Variants in XPO6 observed in about 807,000 individuals in gnomAD.
The protein encoded by XPO6 is exportin-6.
In XPO6, 3 loss-of-function variants were observed where a neutral mutation model predicts 130.0. The observed-to-expected ratio is 0.02, with a 90% CI of 0.01 to 0.06. The LOEUF is 0.06. Ranked by LOEUF, XPO6 falls within the 10% of genes least tolerant of loss-of-function variation. The pLI is 1.00. For synonymous variants in XPO6, 524 were observed against 548.9 expected (o/e 0.95, Z 0.63); for missense variants, 970 against 1,393.0 (o/e 0.70, Z 4.83).
intron 10 of XPO6, among the ~76,000 whole-genome samples, chr16:28,134,379 C>T (rs1466228335): frequency 6.6e-6 from 1 of 152,238 alleles, no homozygotes; most frequent in Non-Finnish European, 1.5e-5. Context: ...CCCCAAGCCT[C>T]CAGAATCAGA....
At chr16:28,187,137 G>C (rs1240325386) in intron 1 of XPO6, among the ~76,000 whole-genome samples, 1 of 152,190 alleles carries the variant, frequency 6.6e-6, no homozygotes, top group Non-Finnish European at 1.5e-5. Context: ...AGTTTACTAG[G>C]AGGATAAGAA....
intron 10 of XPO6, 55 bp from the exon 11 acceptor site, chr16:28,133,988 C>T: frequency 6.4e-7 from 1 of 1,573,368 alleles, no homozygotes; most frequent in Admixed American, 1.7e-5. Context: ...ATCTTCCTTG[C>T]CAACCTCAAG....
At chr16:28,192,287 TATA>T (rs1386513962) in intron 1 of XPO6, among the ~76,000 whole-genome samples, 7 of 146,498 alleles carry the variant, frequency 4.8e-5, no homozygotes, top group Admixed American at 1.4e-4. Context: ...AAAAAAAAGT[TATA>T]ATATTATTTG....
rs1470234668 is a variant in XPO6, at chr16:28,132,593, A to C, written c.1537-190T>G. ...CAGTGCCCCCCAACTAGTTTCTATA[A>C]TTGAAACCGCCAATTAATACACAGA... On this transcript the variant is annotated intron_variant, in intron 11 of 23. Transcript: ENST00000304658. The surrounding 1 kb of genome is among the most constrained non-coding windows in gnomAD (Gnocchi z 4.0). Among the ~76,000 whole-genome samples the C allele has an allele frequency of 6.6e-5, 10 of 150,656 alleles. 1 individual carries two copies. Among genetic ancestry groups the C allele is most frequent in the Admixed American group, 6.6e-4 (10 of 15,114 alleles).
At chr16:28,188,165 C>A (rs1237868620) in intron 1 of XPO6, among the ~76,000 whole-genome samples, 1 of 152,078 alleles carries the variant, frequency 6.6e-6, no homozygotes, top group Non-Finnish European at 1.5e-5. Context: ...AGTCTTAAAA[C>A]CCCCAGGTTC....
intron 1 of XPO6, among the ~76,000 whole-genome samples, chr16:28,185,586 G>A (rs2043680279): frequency 6.6e-6 from 1 of 152,106 alleles, no homozygotes. Flanking sequence ...CTAAAGTCCA[G>A]GTTGGTGTTA....
intron 10 of XPO6, 72 bp downstream of exon 10, chr16:28,135,144 G>C: frequency 2.3e-6 from 3 of 1,284,872 alleles, no homozygotes; most frequent in Non-Finnish European, 3.4e-6. Flanking sequence ...AGGGCTCTGG[G>C]TTCCAGGTCC....
In XPO6 at chr16:28,106,403, A is replaced by G. The variant is rs763004645; in HGVS notation, c.2592T>C (p.Thr864=). ...GVPFTEQIIQ[T]FLNMFTREQL... is the part of the protein sequence containing the mutation. ...CTTACCTGGTAAACATGTTGAGGAA[A>G]GTCTGTATGATTTGCTCAGTGAAAG... is the stretch of plus-strand genomic sequence containing the variant. Residue 864 remains threonine, a synonymous_variant, in exon 19 of 24, where the codon ACT becomes ACC. Transcript: ENST00000304658. This position sits in a 1 kb window ranked among gnomAD's most constrained non-coding sequence, Gnocchi z 4.2. 2 of 1,614,056 alleles carry G rather than the reference A, an allele frequency of 1.2e-6. No individual in the cohort carries two copies. Among genetic ancestry groups the G allele is most frequent in the African/African-American group, 1.3e-5 (1 of 74,926 alleles).
In XPO6 at chr16:28,101,662, G is replaced by T. The variant is rs966119176; in HGVS notation, c.3072C>A (p.Phe1024Leu). The T allele has an allele frequency of 6.2e-7, 1 of 1,610,920 alleles. No individual in the cohort carries two copies. The highest frequency in any genetic ancestry group is 1.3e-5 in the African/African-American group (1 of 74,870). The change falls in exon 23 of 24, where the codon TTC (phenylalanine) becomes TTA (leucine). Residue 1024 changes from phenylalanine to leucine, a missense_variant. Phe to Leu is a conservative substitution (Grantham distance 22, BLOSUM62 0). Around this residue, in one of 4 missense-constraint regions of XPO6, gnomAD observed 936 missense variants for 1,306.8 expected, o/e 0.72. Coordinates refer to ENST00000304658, the MANE Select transcript of XPO6 (RefSeq NM_015171.4). The surrounding 1 kb of genome is among the most constrained non-coding windows in gnomAD (Gnocchi z 5.4). ...HKKIFRTAML[F>L]QFVNVLLQVL... ...CCTGGAGCAGCACGTTCACAAACTG[G>T]AACAGCATGGCAGTCCGGAAGATCT...
intron 9 of XPO6, among the ~76,000 whole-genome samples, chr16:28,140,397 T>C (rs8060954): frequency 0.059 from 8,922 of 151,356 alleles, 656 homozygotes; most frequent in East Asian, 0.17. Flanking sequence ...ATTTGAAGGA[T>C]AGCCGGGCGT....
At position 28,155,446 on chromosome 16, in the gene XPO6, T is replaced by C. The variant is rs549886059; in HGVS notation, c.1097+628A>G. On this transcript the variant is annotated intron_variant, in intron 7 of 23. Coordinates refer to ENST00000304658, the MANE Select transcript of XPO6 (RefSeq NM_015171.4). ...AGAGTACTGTGATGGAGTCGTCTTTTAGAGTGCTTTTAAAAAAAAAAAAAA... is the reference window on the plus strand; with the variant it reads ...AGAGTACTGTGATGGAGTCGTCTTTCAGAGTGCTTTTAAAAAAAAAAAAAA... Among the ~76,000 whole-genome samples the C allele has an allele frequency of 3.9e-5, 6 of 151,922 alleles. No individual in the cohort carries two copies. The East Asian group carries it at 1.2e-3, about 29-fold the overall frequency.
intron 1 of XPO6, among the ~76,000 whole-genome samples, chr16:28,184,120 T>A (rs1387608315): frequency 6.6e-6 from 1 of 152,194 alleles, no homozygotes; most frequent in African/African-American, 2.4e-5. Flanking sequence ...GATTACACTT[T>A]CAAGTAATGA....
intron 12 of XPO6, among the ~76,000 whole-genome samples, chr16:28,128,067 G>A (rs765987326): frequency 6.6e-6 from 1 of 152,178 alleles, no homozygotes; most frequent in Non-Finnish European, 1.5e-5. Context: ...CTGGTTGTAC[G>A]AAAGGGAACA....
intron 3 of XPO6, among the ~76,000 whole-genome samples, chr16:28,176,460 T>G (rs893134294): frequency 2.0e-5 from 3 of 151,994 alleles, no homozygotes; most frequent in African/African-American, 7.2e-5. Context: ...TGGGGAAAAG[T>G]AGAATACAAA....
chr16:28,199,054 C>T (rs781022756), intron 1 of XPO6, among the ~76,000 whole-genome samples: 3 of 152,136 alleles, frequency 2.0e-5, no homozygotes, highest in Non-Finnish European at 4.4e-5. Context: ...GCAGGAGAAT[C>T]GCTTGAACCC....
intron 1 of XPO6, among the ~76,000 whole-genome samples, chr16:28,187,176 G>A (rs534947213): frequency 3.3e-5 from 5 of 152,288 alleles, no homozygotes; most frequent in African/African-American, 9.6e-5. Flanking sequence ...AATGTCACTC[G>A]CCATAGGAAG....
chr16:28,181,948 T>C (rs1409144686), intron 1 of XPO6, among the ~76,000 whole-genome samples: 1 of 152,096 alleles, frequency 6.6e-6, no homozygotes, highest in East Asian at 1.9e-4. Flanking sequence ...ACCCACTTCC[T>C]TTATTCTTAC....
chr16:28,176,294 A>G (rs765421544), intron 3 of XPO6, among the ~76,000 whole-genome samples, 199 bp from the exon 4 acceptor site: 21 of 152,244 alleles, frequency 1.4e-4, no homozygotes, highest in Non-Finnish European at 2.4e-4. Context: ...GAACTGCCAA[A>G]TAACAGAAAC....
At chr16:28,205,316 T>C (rs560534166) in intron 1 of XPO6, among the ~76,000 whole-genome samples, 2 of 152,272 alleles carry the variant, frequency 1.3e-5, no homozygotes, top group South Asian at 2.1e-4. Context: ...TTCACACCTA[T>C]CATTTTCTAT....
Sources: allele counts gnomAD v4.1 joint callset (sites outside exome capture counted in the v4.1 genomes callset), GRCh38; gene constraint gnomAD v4.1.1; regional missense constraint gnomAD v4.1.1; non-coding constraint Gnocchi (gnomAD v3.1); transcripts MANE v1.5; gene names NCBI Gene and HGNC (gene_info 2026-07-23, HGNC 2026-07-21).